The following BCAS3 variants were observed in gnomAD, a reference collection of about 807,000 sequenced individuals.
The protein encoded by BCAS3 is BCAS4/BCAS3 fusion.
Under a neutral mutation model 116.1 loss-of-function variants are expected in BCAS3, and 53 were observed. The ratio of observed to expected loss-of-function variants is 0.46; its 90% CI spans 0.37 to 0.57. The LOEUF (loss-of-function observed/expected upper bound fraction) is 0.57. Among genes scored for constraint, BCAS3 ranks in the 20% least tolerant of loss-of-function variants. The pLI is 0.00. For missense variants in BCAS3, 917 were observed against 1,165.4 expected (o/e 0.79, Z 3.10); for synonymous variants, 391 against 408.2 (o/e 0.96, Z 0.51).
intron 10 of BCAS3, among the ~76,000 whole-genome samples, chr17:60,895,997 G>A (rs1414618592): frequency 6.6e-6 from 1 of 152,194 alleles, no homozygotes; most frequent in African/African-American, 2.4e-5. Flanking sequence ...TGGATAGAAT[G>A]CTCTATAAGA....
chr17:60,961,113 C>T lies in BCAS3; in HGVS notation c.1221+13761C>T, dbSNP rs1345165649. 1.3e-5 allele frequency among the ~76,000 whole-genome samples: 2 copies of T among 151,942 alleles called. No individual in the cohort carries two copies. Among genetic ancestry groups the T allele is most frequent in the Admixed American group, 6.6e-5 (1 of 15,252 alleles). On this transcript the variant is annotated intron_variant, in intron 14 of 23. Coordinates refer to ENST00000407086, the MANE Select transcript of BCAS3 (RefSeq NM_017679.5). This position sits in a 1 kb window ranked among gnomAD's most constrained non-coding sequence, Gnocchi z 4.8. ...GTAGGATATTCAAATACCAGAAGAT[C>T]CAAAGGAAGTATTATTGAATGGTAA...
rs1211275912 is a variant in BCAS3 at position 60,960,268 on chromosome 17, T to TAA, written c.1221+12920_1221+12921dup. On this transcript the variant is annotated intron_variant, in intron 14 of 23. Coordinates refer to ENST00000407086, the MANE Select transcript of BCAS3 (RefSeq NM_017679.5). The surrounding 1 kb of genome is among the most constrained non-coding windows in gnomAD (Gnocchi z 4.1). ...ATCAACTCTAAGTCTAAATTTTTTT[T>TAA]AAAAATATTATCGGCTCAAAGGTCC... Among the ~76,000 whole-genome samples, 1 of 151,868 alleles carries TAA rather than the reference T, an allele frequency of 6.6e-6. No homozygotes were observed. Among genetic ancestry groups the TAA allele is most frequent in the African/African-American group, 2.4e-5 (1 of 41,190 alleles).
intron 22 of BCAS3, among the ~76,000 whole-genome samples, chr17:61,329,902 A>C (rs2056120238): frequency 6.6e-6 from 1 of 152,180 alleles, no homozygotes; most frequent in African/African-American, 2.4e-5. Flanking sequence ...TGAAGTTCAG[A>C]GTGGCTGTTT....
chr17:61,070,391 ATATATATATC>A, intron 19 of BCAS3: 1 of 170,030 alleles, frequency 5.9e-6, no homozygotes, highest in Non-Finnish European at 1.1e-5. Context: ...ATATATATAT[ATATATATATC>A]TTTTCACCAT....
chr17:61,011,069 A>G (rs1256334074), intron 15 of BCAS3, among the ~76,000 whole-genome samples: 2 of 152,046 alleles, frequency 1.3e-5, no homozygotes, highest in African/African-American at 4.8e-5. Flanking sequence ...TATTTTATGT[A>G]TCTCAAGACT....
At chr17:60,889,559 A>G (rs1361363706) in intron 9 of BCAS3, 136 bp from the exon 10 acceptor site, 4 of 681,126 alleles carry the variant, frequency 5.9e-6, no homozygotes, top group Non-Finnish European at 7.6e-6. Context: ...AATAATGACT[A>G]GTGTTACAGG....
chr17:61,044,737 T>C (rs1178136597), intron 19 of BCAS3, among the ~76,000 whole-genome samples: 2 of 151,692 alleles, frequency 1.3e-5, no homozygotes, highest in Non-Finnish European at 2.9e-5. Context: ...CTTGCTCTTA[T>C]AGAGATGTTA....
At position 60,870,494 on chromosome 17, in the gene BCAS3, C is replaced by A. The variant is rs1270773397; in HGVS notation, c.584+1811C>A. Among the ~76,000 whole-genome samples, 2 of 151,858 alleles carry A rather than the reference C, an allele frequency of 1.3e-5. 1 individual carries two copies. Among genetic ancestry groups the A allele is most frequent in the South Asian group, 4.2e-4 (2 of 4,804 alleles). ...AAATTCCTTCTGGCAGTATGGCAGG[C>A]AATGTTAAGGGTAATAAGTCTTCAA... On this transcript the variant is annotated intron_variant, in intron 8 of 23. Transcript: ENST00000407086.
At chr17:61,157,035 C>G (rs1398677197) in intron 22 of BCAS3, among the ~76,000 whole-genome samples, 1 of 152,136 alleles carries the variant, frequency 6.6e-6, no homozygotes, top group Non-Finnish European at 1.5e-5. Context: ...ATCTCGAAAT[C>G]ATTGAACTTT....
Position 61,128,657 on chromosome 17 carries a change from T to C in BCAS3, c.2425+44093T>C. ...GACAGAAACTGTTAGCCCTCTTTTG[T>C]ATTGTTTCTGCATCGTCCTGTCAAA... On this transcript the variant is annotated intron_variant, in intron 22 of 23. Transcript: ENST00000407086. The surrounding 1 kb of genome is among the most constrained non-coding windows in gnomAD (Gnocchi z 4.1). The C allele has an allele frequency of 1.1e-6, 1 of 929,464 alleles. No individual in the cohort carries two copies. Among genetic ancestry groups the C allele is most frequent in the Non-Finnish European group, 1.3e-6 (1 of 779,078 alleles). 57.6% of individuals were successfully genotyped at this position (929,464 alleles called of 1,614,324 possible). A position where few individuals can be genotyped will look rare whatever the true frequency, so the allele number is the denominator to read the frequency against.
In BCAS3 at chr17:60,967,429, C is replaced by G. The variant is rs1418704485; in HGVS notation, c.1221+20077C>G. Among the ~76,000 whole-genome samples the G allele has an allele frequency of 1.3e-5, 2 of 152,154 alleles. No individual in the cohort carries two copies. The highest frequency in any genetic ancestry group is 2.4e-5 in the African/African-American group (1 of 41,444). ...TCTGTTGCCAGACAAATTGGAGATA[C>G]AGTGTTTGCTTCTTTTCTCGTGCTG... is the stretch of plus-strand genomic sequence containing the variant. On this transcript the variant is annotated intron_variant, in intron 14 of 23. Coordinates refer to ENST00000407086, the MANE Select transcript of BCAS3 (RefSeq NM_017679.5). This position sits in a 1 kb window ranked among gnomAD's most constrained non-coding sequence, Gnocchi z 4.7.
rs2056963638 is a variant in BCAS3, at chr17:61,339,218, C to T, written c.2426-29109C>T. Among the ~76,000 whole-genome samples, 1 of 152,164 alleles carries T rather than the reference C, an allele frequency of 6.6e-6. No homozygotes were observed. Among genetic ancestry groups the T allele is most frequent in the South Asian group, 2.1e-4 (1 of 4,826 alleles). ...CCCTGATTCTGACAGTGGCAGGCGC[C>T]ACTTGCCCTTGGTCGGTTTTACTCC... is the stretch of plus-strand genomic sequence containing the variant. On this transcript the variant is annotated intron_variant, in intron 22 of 23. Transcript: ENST00000407086. The surrounding 1 kb of genome is among the most constrained non-coding windows in gnomAD (Gnocchi z 4.4).
At chr17:61,287,208 A>G (rs1202227477) in intron 22 of BCAS3, among the ~76,000 whole-genome samples, 1 of 151,418 alleles carries the variant, frequency 6.6e-6, no homozygotes, top group African/African-American at 2.4e-5. Context: ...AGATCGCACC[A>G]CTTCACTCCA....
chr17:60,863,615 A>G (rs1023041287), intron 7 of BCAS3, among the ~76,000 whole-genome samples: 1 of 152,064 alleles, frequency 6.6e-6, no homozygotes, highest in African/African-American at 2.4e-5. Context: ...TTAGCTGAAT[A>G]TGGTGGTGCG....
chr17:61,271,424 A>ATTTTTTTTTTCTTTTTT (rs2050246466), intron 22 of BCAS3, among the ~76,000 whole-genome samples: 1 of 70,226 alleles, frequency 1.4e-5, no homozygotes, highest in African/African-American at 5.6e-5. Flanking sequence ...CCATGCCCGG[A>ATTTTTTTTTTCTTTTTT]TTTTTTTTTT....
At chr17:61,071,585 G>T (rs1160289084) in intron 19 of BCAS3, among the ~76,000 whole-genome samples, 2 of 152,174 alleles carry the variant, frequency 1.3e-5, no homozygotes, top group Non-Finnish European at 2.9e-5. Context: ...GACCACATTT[G>T]GAGGAACAGC....
intron 13 of BCAS3, among the ~76,000 whole-genome samples, chr17:60,929,543 C>A (rs1455118685): frequency 6.6e-6 from 1 of 151,890 alleles, no homozygotes; most frequent in Non-Finnish European, 1.5e-5. Flanking sequence ...TATGTAATTT[C>A]TTTTTTATTT....
chr17:60,865,469 G>T (rs1389013544), intron 7 of BCAS3, among the ~76,000 whole-genome samples: 1 of 152,082 alleles, frequency 6.6e-6, no homozygotes, highest in African/African-American at 2.4e-5. Flanking sequence ...TTATCTGCAT[G>T]TTATAGTTTT....
chr17:61,308,127 C>T (rs2053988850), intron 22 of BCAS3, among the ~76,000 whole-genome samples: 1 of 152,196 alleles, frequency 6.6e-6, no homozygotes, highest in African/African-American at 2.4e-5. Context: ...CATCCCAGCA[C>T]TGTAAACAAC....
Sources: allele counts gnomAD v4.1 joint callset (sites outside exome capture counted in the v4.1 genomes callset), GRCh38; gene constraint gnomAD v4.1.1; non-coding constraint Gnocchi (gnomAD v3.1); transcripts MANE v1.5; gene names NCBI Gene and HGNC (gene_info 2026-07-23, HGNC 2026-07-21).